The following RPRD1B variants were observed in gnomAD, a reference collection of about 807,000 sequenced individuals.
The protein encoded by RPRD1B is regulation of nuclear pre-mRNA domain-containing protein 1B.
Under a neutral mutation model 41.5 loss-of-function variants are expected in RPRD1B, and 11 were observed. That is an observed-to-expected ratio of 0.27 (90% CI 0.17 to 0.44). The LOEUF is 0.44. Ranked by LOEUF, RPRD1B falls within the 20% of genes least tolerant of loss-of-function variation. RPRD1B has a pLI of 1.00. For missense variants in RPRD1B, 248 were observed against 389.9 expected (o/e 0.64, Z 3.06); for synonymous variants, 158 against 155.6 (o/e 1.02, Z -0.12).
intron 5 of RPRD1B, among the ~76,000 whole-genome samples, chr20:38,065,288 T>G (rs1394828001): frequency 3.9e-5 from 6 of 152,154 alleles, no homozygotes; most frequent in Non-Finnish European, 7.4e-5. Context: ...TGTCATGTAG[T>G]TTTTTTTCTG....
intron 6 of RPRD1B, among the ~76,000 whole-genome samples, chr20:38,088,579 A>AGGGG (rs2074583774): frequency 6.6e-6 from 1 of 152,246 alleles, no homozygotes; most frequent in African/African-American, 2.4e-5. Flanking sequence ...CTAAGCCCCA[A>AGGGG]GGGGGCCAAC....
chr20:38,061,869 C>T (rs2074301010), intron 5 of RPRD1B, among the ~76,000 whole-genome samples: 1 of 152,150 alleles, frequency 6.6e-6, no homozygotes, highest in Admixed American at 6.5e-5. Flanking sequence ...TGACCCCCCA[C>T]CCCGCAAACA....
chr20:38,048,374 CTT>C lies in RPRD1B; in HGVS notation c.310_311del (p.Leu104ArgfsTer55). 6.2e-7 allele frequency: 1 copy of C among 1,613,528 alleles called. No individual in the cohort carries two copies. Among genetic ancestry groups the C allele is most frequent in the Non-Finnish European group, 8.5e-7 (1 of 1,179,694 alleles). On this transcript the variant is annotated frameshift_variant, in exon 3 of 7. Transcript: ENST00000373433. LOFTEE classifies it high-confidence loss of function. ...GAGGCAGATGAAGGCTGTAAAAAAC[CTT>C]TAGAAAGATTGCTGAACATCTGGCA...
chr20:38,057,895 AT>A (rs1478794188), intron 4 of RPRD1B, among the ~76,000 whole-genome samples: 1 of 152,254 alleles, frequency 6.6e-6, no homozygotes, highest in Non-Finnish European at 1.5e-5. Context: ...AATCCTAGAA[AT>A]TAAGAATATT....
Position 38,092,086 on chromosome 20 carries a change from A to G in RPRD1B, c.*2211A>G. 1 of 985,706 alleles carries G rather than the reference A, an allele frequency of 1.0e-6. No individual in the cohort carries two copies. Among genetic ancestry groups the G allele is most frequent in the African/African-American group, 1.7e-5 (1 of 57,310 alleles). The allele number at this position is 985,706 out of a possible 1,614,324, so 61.1% of individuals were successfully genotyped here. ...CTTTCCTCCTTGTATGTATGAGGTG[A>G]CTTGGTGGGTGGGGTGGGTGGTTTT... On this transcript the variant is annotated 3_prime_UTR_variant, in exon 7 of 7. Coordinates refer to ENST00000373433, the MANE Select transcript of RPRD1B (RefSeq NM_021215.4).
At chr20:38,041,409 A>G (rs2074064827) in intron 2 of RPRD1B, among the ~76,000 whole-genome samples, 2 of 152,220 alleles carry the variant, frequency 1.3e-5, no homozygotes, top group Admixed American at 1.3e-4. Flanking sequence ...TCATTGCAGG[A>G]TTTGAAAAGT....
At chr20:38,079,337 G>A (rs1276024356) in intron 6 of RPRD1B, among the ~76,000 whole-genome samples, 3 of 151,850 alleles carry the variant, frequency 2.0e-5, no homozygotes, top group African/African-American at 7.3e-5. Context: ...CAGGTATTTG[G>A]CGTACAGATA....
rs965466822 is a variant in RPRD1B at position 38,092,103 on chromosome 20, G to A, written c.*2228G>A. On this transcript the variant is annotated 3_prime_UTR_variant, in exon 7 of 7. Coordinates refer to ENST00000373433, the MANE Select transcript of RPRD1B (RefSeq NM_021215.4). ...ATGAGGTGACTTGGTGGGTGGGGTG[G>A]GTGGTTTTTGTTTTTGTGTTTTTTC... 1.0e-6 allele frequency: 1 copy of A among 985,524 alleles called. No homozygotes were observed. Among genetic ancestry groups the A allele is most frequent in the African/African-American group, 1.7e-5 (1 of 57,194 alleles). 61.0% of individuals were successfully genotyped at this position (985,524 alleles called of 1,614,324 possible). A position where few individuals can be genotyped will look rare whatever the true frequency, so the allele number is the denominator to read the frequency against.
At chr20:38,073,858 A>G (rs2122751655) in intron 6 of RPRD1B, among the ~76,000 whole-genome samples, 1 of 152,324 alleles carries the variant, frequency 6.6e-6, no homozygotes, top group South Asian at 2.1e-4. Context: ...TCTGACTCCT[A>G]ACTACAGTGA....
chr20:38,091,149 G>A lies in RPRD1B; in HGVS notation c.*1274G>A, dbSNP rs1169525547. The stretch of plus-strand genomic sequence containing the variant: ...TTTGGCAGGCTTATTTTTGACATTG[G>A]AAAGGGCAGAAAGCGATTTGCCCCA... On this transcript the variant is annotated 3_prime_UTR_variant, in exon 7 of 7. Coordinates refer to ENST00000373433, the MANE Select transcript of RPRD1B (RefSeq NM_021215.4). 1.0e-6 allele frequency: 1 copy of A among 985,636 alleles called. No individual in the cohort carries two copies. Among genetic ancestry groups the A allele is most frequent in the Non-Finnish European group, 1.2e-6 (1 of 829,910 alleles). The allele number at this position is 985,636 out of a possible 1,614,324, so 61.1% of individuals were successfully genotyped here. A position where few individuals can be genotyped will look rare whatever the true frequency, so the allele number is the denominator to read the frequency against.
intron 1 of RPRD1B, among the ~76,000 whole-genome samples, chr20:38,034,542 C>T (rs932313623): frequency 6.6e-6 from 1 of 152,206 alleles, no homozygotes; most frequent in Non-Finnish European, 1.5e-5. Flanking sequence ...CTTCATCTCC[C>T]TGTGTCTCCG....
At chr20:38,048,771 G>A (rs2074147817) in intron 3 of RPRD1B, among the ~76,000 whole-genome samples, 1 of 152,158 alleles carries the variant, frequency 6.6e-6, no homozygotes, top group African/African-American at 2.4e-5. Flanking sequence ...CAACAAAGTT[G>A]TTCAGAGTTG....
chr20:38,074,930 C>T (rs1169824138), intron 6 of RPRD1B, among the ~76,000 whole-genome samples: 1 of 152,142 alleles, frequency 6.6e-6, no homozygotes, highest in African/African-American at 2.4e-5. Flanking sequence ...AATTTTCTGT[C>T]ATGCTTTTTT....
Position 38,057,563 on chromosome 20 carries a change from T to C in RPRD1B, c.447T>C (p.Thr149=). The C allele has an allele frequency of 6.2e-7, 1 of 1,614,052 alleles. No individual in the cohort carries two copies. Among genetic ancestry groups the C allele is most frequent in the South Asian group, 1.1e-5 (1 of 91,084 alleles). Reference sequence around the variant, plus strand: ...AAGAGAAGAAATCTCTGAAACGAACTTTTCAGCAAATTCAGGAGGAGGAGG... The same window carrying C: ...AAGAGAAGAAATCTCTGAAACGAACCTTTCAGCAAATTCAGGAGGAGGAGG... ...ATEEKKSLKR[T]FQQIQEEEDD... is the part of the protein sequence containing the mutation. The change falls in exon 4 of 7, where the codon ACT becomes ACC. Residue 149 remains threonine (T), a synonymous_variant. Coordinates refer to ENST00000373433, the MANE Select transcript of RPRD1B (RefSeq NM_021215.4).
intron 1 of RPRD1B, among the ~76,000 whole-genome samples, chr20:38,040,135 C>G (rs1600677124): frequency 6.6e-6 from 1 of 152,330 alleles, no homozygotes; most frequent in South Asian, 2.1e-4. Flanking sequence ...AACATTAACA[C>G]TGACTGCTTA....
At chr20:38,085,725 G>T (rs947030509) in intron 6 of RPRD1B, 1 of 152,308 alleles carries the variant, frequency 6.6e-6, no homozygotes, top group Non-Finnish European at 1.5e-5. Context: ...GAATAACCTG[G>T]AAAGTCAGCT....
intron 2 of RPRD1B, among the ~76,000 whole-genome samples, chr20:38,043,906 A>G (rs187152813): frequency 1.3e-5 from 2 of 152,184 alleles, no homozygotes; most frequent in Non-Finnish European, 2.9e-5. Context: ...CCAAGGAGTG[A>G]TGCCAAATAG....
At chr20:38,040,879 A>C (rs2074059288) in intron 2 of RPRD1B, among the ~76,000 whole-genome samples, 1 of 152,238 alleles carries the variant, frequency 6.6e-6, no homozygotes, top group African/African-American at 2.4e-5. Flanking sequence ...TATGATCAAA[A>C]AACAAAGCTA....
At position 38,090,342 on chromosome 20, in the gene RPRD1B, G is replaced by C. The variant is rs1159350215; in HGVS notation, c.*467G>C. The C allele has an allele frequency of 3.0e-6, 3 of 986,518 alleles. No homozygotes were observed. The African/African-American group carries it at 5.2e-5, about 17-fold the overall frequency. The allele number at this position is 986,518 out of a possible 1,614,324, so 61.1% of individuals were successfully genotyped here. ...CCTGGAGACGTTGGCTTTCCCAGCT[G>C]CATCTGCCCCAAAAGGTTGTAGGCA... On this transcript the variant is annotated 3_prime_UTR_variant, in exon 7 of 7. Transcript: ENST00000373433.
Sources: allele counts gnomAD v4.1 joint callset (sites outside exome capture counted in the v4.1 genomes callset), GRCh38; gene constraint gnomAD v4.1.1; transcripts MANE v1.5; gene names NCBI Gene and HGNC (gene_info 2026-07-23, HGNC 2026-07-21).